Variants in MAPKAPK3 observed in about 807,000 individuals in gnomAD.
MAPKAPK3 encodes the protein MAP kinase-activated protein kinase 3.
In MAPKAPK3, 35 loss-of-function variants were observed where a neutral mutation model predicts 49.2. The observed-to-expected ratio is 0.71, with a 90% CI of 0.54 to 0.94. MAPKAPK3 has a LOEUF of 0.94. Among genes scored for constraint, MAPKAPK3 ranks in the 40% least tolerant of loss-of-function variants. MAPKAPK3 has a pLI of 0.00. For synonymous variants in MAPKAPK3, 178 were observed against 188.7 expected (o/e 0.94, Z 0.46); for missense variants, 398 against 493.1 (o/e 0.81, Z 1.83).
At chr3:50,632,980 C>T (rs2032949103) in intron 2 of MAPKAPK3, among the ~76,000 whole-genome samples, 1 of 152,194 alleles carries the variant, frequency 6.6e-6, no homozygotes, top group Non-Finnish European at 1.5e-5. Context: ...GTGTTGGGGA[C>T]TGGTTCCCAA....
At position 50,646,720 on chromosome 3, in the gene MAPKAPK3, C is replaced by T. The variant is rs1158904277; in HGVS notation, c.830-20C>T. ...GGCTCTGCAATCTCATCTCTCCCCT[C>T]TCTTCCCTGGCCCCCCTAGCCAAGC... is the stretch of plus-strand genomic sequence containing the variant. On this transcript the variant is annotated intron_variant, in intron 8 of 10. Transcript: ENST00000621469. 2 of 1,611,104 alleles carry T rather than the reference C, an allele frequency of 1.2e-6. No homozygotes were observed. The highest frequency in any genetic ancestry group is 2.7e-5 in the African/African-American group (2 of 74,874).
intron 2 of MAPKAPK3, among the ~76,000 whole-genome samples, chr3:50,618,607 G>A (rs1160272506): frequency 6.6e-6 from 1 of 152,216 alleles, no homozygotes; most frequent in Non-Finnish European, 1.5e-5. Context: ...CTCATTTGTA[G>A]CTTGTGCCAA....
At position 50,646,732 on chromosome 3, in the gene MAPKAPK3, C is replaced by T. The variant is rs759331803; in HGVS notation, c.830-8C>T. ...TCATCTCTCCCCTCTCTTCCCTGGC[C>T]CCCCTAGCCAAGCAGCTGATCCGCC... On this transcript the variant is annotated splice_polypyrimidine_tract_variant and splice_region_variant and intron_variant, in intron 8 of 10. Transcript: ENST00000621469. 6.2e-6 allele frequency: 10 copies of T among 1,613,484 alleles called. No individual in the cohort carries two copies. The highest frequency in any genetic ancestry group is 1.7e-5 in the Admixed American group (1 of 60,004).
chr3:50,627,288 G>A (rs561358490), intron 2 of MAPKAPK3, among the ~76,000 whole-genome samples: 1 of 151,974 alleles, frequency 6.6e-6, no homozygotes, highest in East Asian at 1.9e-4. Flanking sequence ...CATCGGCAGT[G>A]CCAGGGAAGC....
intron 3 of MAPKAPK3, among the ~76,000 whole-genome samples, 165 bp downstream of exon 3, chr3:50,640,670 T>C (rs563881669): frequency 1.3e-5 from 2 of 152,308 alleles, no homozygotes; most frequent in Admixed American, 6.5e-5. Flanking sequence ...TGCCTGTGGA[T>C]CTATGGAGTT....
chr3:50,635,645 G>C (rs1240814068), intron 2 of MAPKAPK3, among the ~76,000 whole-genome samples: 1 of 151,386 alleles, frequency 6.6e-6, no homozygotes, highest in East Asian at 1.9e-4. Context: ...TCAAACTCCT[G>C]ATCTCGTGAT....
At chr3:50,639,916 A>G (rs369123698) in intron 2 of MAPKAPK3, among the ~76,000 whole-genome samples, 14 of 152,246 alleles carry the variant, frequency 9.2e-5, no homozygotes, top group African/African-American at 3.4e-4. Flanking sequence ...GCTATCCTGT[A>G]CAATTTACAT....
At chr3:50,637,680 T>G (rs1319307151) in intron 2 of MAPKAPK3, among the ~76,000 whole-genome samples, 1 of 104,646 alleles carries the variant, frequency 9.6e-6, no homozygotes, top group Non-Finnish European at 2.0e-5. Flanking sequence ...TGGGAGGACT[T>G]TCCAGAGAGA....
intron 1 of MAPKAPK3, 135 bp from the exon 2 acceptor site, chr3:50,617,379 A>T (rs2032495019): frequency 1.9e-6 from 1 of 516,974 alleles, no homozygotes; most frequent in Non-Finnish European, 3.5e-6. Flanking sequence ...CCCTTGCTGC[A>T]CGTCTGTACT....
chr3:50,643,789 G>A (rs1238988243), intron 5 of MAPKAPK3, among the ~76,000 whole-genome samples: 5 of 151,864 alleles, frequency 3.3e-5, no homozygotes, highest in Admixed American at 6.6e-5. Context: ...CTTCTACCCC[G>A]GCTCTGCTTG....
intron 2 of MAPKAPK3, among the ~76,000 whole-genome samples, chr3:50,635,728 C>T (rs2033021884): frequency 2.0e-5 from 3 of 151,408 alleles, no homozygotes; most frequent in Non-Finnish European, 4.4e-5. Context: ...TTAATCTTAT[C>T]TTGTCCTCAT....
At chr3:50,644,335 G>T in intron 5 of MAPKAPK3, 74 bp from the exon 6 acceptor site, 1 of 1,571,248 alleles carries the variant, frequency 6.4e-7, no homozygotes, top group Non-Finnish European at 8.7e-7. Context: ...GGGGAGTCTG[G>T]CTGAAGATCA....
Position 50,648,256 on chromosome 3 carries a change from A to C in MAPKAPK3, c.*210A>C, listed in dbSNP as rs2033352878. 4 of 567,412 alleles carry C rather than the reference A, an allele frequency of 7.0e-6. No individual in the cohort carries two copies. The highest frequency in any genetic ancestry group is 9.1e-6 in the Non-Finnish European group (3 of 328,254). The allele number at this position is 567,412 out of a possible 1,614,324, so 35.1% of individuals were successfully genotyped here. ...CCAGGCTCAAGCCCTAGAGATGGGCAGGGCCTAGGGGCTGGGAGCTGCCTG... is the reference window on the plus strand; with the variant it reads ...CCAGGCTCAAGCCCTAGAGATGGGCCGGGCCTAGGGGCTGGGAGCTGCCTG... On this transcript the variant is annotated 3_prime_UTR_variant, in exon 11 of 11. Coordinates refer to ENST00000621469, the MANE Select transcript of MAPKAPK3 (RefSeq NM_001243925.2).
At chr3:50,628,760 C>T (rs1314062105) in intron 2 of MAPKAPK3, among the ~76,000 whole-genome samples, 1 of 151,886 alleles carries the variant, frequency 6.6e-6, no homozygotes, top group Non-Finnish European at 1.5e-5. Context: ...GGGGAGGAGG[C>T]CATAGCTGTC....
At chr3:50,642,872 G>T (rs2033207502) in intron 5 of MAPKAPK3, among the ~76,000 whole-genome samples, 1 of 152,040 alleles carries the variant, frequency 6.6e-6, no homozygotes, top group South Asian at 2.1e-4. Context: ...GTTTTTTTGA[G>T]ACAGAGTCTC....
upstream of MAPKAPK3, chr3:50,612,785 A>G (rs1172349822): frequency 6.6e-6 from 1 of 152,054 alleles, no homozygotes; most frequent in Non-Finnish European, 1.5e-5. Flanking sequence ...ATCTGGGAGT[A>G]GGGTGATAGA....
chr3:50,632,832 T>C (rs967984199), intron 2 of MAPKAPK3, among the ~76,000 whole-genome samples: 2 of 152,182 alleles, frequency 1.3e-5, no homozygotes, highest in African/African-American at 4.8e-5. Flanking sequence ...GCTTCCTGTA[T>C]GTGAGAGATG....
At chr3:50,646,876 C>A in intron 9 of MAPKAPK3, 51 bp downstream of exon 9, 2 of 1,575,674 alleles carry the variant, frequency 1.3e-6, no homozygotes, top group Non-Finnish European at 8.7e-7. Flanking sequence ...AGGAGTGGGG[C>A]TGCCGGGCAG....
intron 2 of MAPKAPK3, among the ~76,000 whole-genome samples, chr3:50,633,883 A>C (rs1488989538): frequency 1.3e-5 from 2 of 152,154 alleles, no homozygotes; most frequent in Non-Finnish European, 2.9e-5. Context: ...GAATTCCTCC[A>C]CCCACAAGTA....
Sources: gnomAD v4.1 joint callset for allele counts (sites outside exome capture counted in the v4.1 genomes callset) on GRCh38, gnomAD v4.1.1 for gene constraint, MANE v1.5 for transcripts, NCBI Gene and HGNC (gene_info 2026-07-23, HGNC 2026-07-21) for gene names.